PAMR1: variants seen among roughly 807,000 people sequenced by gnomAD.
The protein encoded by PAMR1 is inactive serine protease PAMR1.
Under a neutral mutation model 81.8 loss-of-function variants are expected in PAMR1, and 88 were observed. The ratio of observed to expected loss-of-function variants is 1.08; its 90% CI spans 0.91 to 1.28. The LOEUF is 1.28. Among genes scored for constraint, PAMR1 ranks in the 50% most tolerant of loss-of-function variants. The pLI is 0.00. For missense variants in PAMR1, 935 were observed against 919.7 expected (o/e 1.02, Z -0.21); for synonymous variants, 336 against 345.3 (o/e 0.97, Z 0.30).
chr11:35,471,482 G>T (rs894811268), intron 4 of PAMR1, among the ~76,000 whole-genome samples: 3 of 152,072 alleles, frequency 2.0e-5, no homozygotes, highest in African/African-American at 7.2e-5. Context: ...ATATTGTTTT[G>T]CAAGACTAAG....
At chr11:35,434,913 A>G in intron 9 of PAMR1, 109 bp from the exon 10 acceptor site, 2 of 992,620 alleles carry the variant, frequency 2.0e-6, no homozygotes, top group Non-Finnish European at 3.0e-6. Flanking sequence ...CTGTATGGGC[A>G]TGATGACCAC....
chr11:35,472,948 C>T (rs528142349), intron 4 of PAMR1, among the ~76,000 whole-genome samples: 2 of 152,182 alleles, frequency 1.3e-5, no homozygotes, highest in South Asian at 2.1e-4. Flanking sequence ...TTTAAAGGCT[C>T]CCTGCAGCCA....
intron 6 of PAMR1, 51 bp downstream of exon 6, chr11:35,467,950 C>T (rs1565339102): frequency 7.8e-6 from 9 of 1,147,642 alleles, no homozygotes; most frequent in Non-Finnish European, 1.2e-5. Flanking sequence ...TAAAATCCTT[C>T]CATACCAGCC....
At chr11:35,437,610 A>T (rs1404128047) in intron 8 of PAMR1, among the ~76,000 whole-genome samples, 2 of 152,222 alleles carry the variant, frequency 1.3e-5, no homozygotes, top group African/African-American at 4.8e-5. Flanking sequence ...GGAGATAGGG[A>T]TACCCTCCAC....
chr11:35,515,768 G>A (rs1008356100), intron 1 of PAMR1, among the ~76,000 whole-genome samples: 1 of 152,164 alleles, frequency 6.6e-6, no homozygotes, highest in African/African-American at 2.4e-5. Flanking sequence ...GCTGGAAGGT[G>A]GATGCATGTT....
chr11:35,442,437 C>G (rs1250166001), intron 6 of PAMR1, among the ~76,000 whole-genome samples: 1 of 152,150 alleles, frequency 6.6e-6, no homozygotes, highest in Non-Finnish European at 1.5e-5. Context: ...AATATTCTAT[C>G]AGATAGGTAA....
At chr11:35,509,402 C>A (rs1267849273) in intron 1 of PAMR1, among the ~76,000 whole-genome samples, 2 of 152,202 alleles carry the variant, frequency 1.3e-5, no homozygotes, top group Admixed American at 6.5e-5. Context: ...TTGGCTTCAG[C>A]TGTACAAATT....
At position 35,488,220 on chromosome 11, in the gene PAMR1, T is replaced by C. The variant is rs968645416; in HGVS notation, c.379+3825A>G. Among the ~76,000 whole-genome samples the C allele has an allele frequency of 1.5e-4, 20 of 132,432 alleles. No individual in the cohort carries two copies. In the South Asian group the frequency reaches 4.4e-3, roughly 29 times the overall value. The allele number at this position is 132,432 out of a possible 152,430, so 86.9% of individuals were successfully genotyped here. On this transcript the variant is annotated intron_variant, in intron 3 of 10. Coordinates refer to ENST00000619888, the MANE Select transcript of PAMR1 (RefSeq NM_001001991.3). Reference sequence around the variant, plus strand: ...ATCTTTTTTTTTTTTTTTTTTTTTTTTGAGAGAGAGACAGAGATGAGGTCT... The same window carrying C: ...ATCTTTTTTTTTTTTTTTTTTTTTTCTGAGAGAGAGACAGAGATGAGGTCT...
At chr11:35,507,711 T>C (rs923812116) in intron 1 of PAMR1, among the ~76,000 whole-genome samples, 3 of 152,170 alleles carry the variant, frequency 2.0e-5, no homozygotes, top group African/African-American at 7.2e-5. Context: ...TGAAGGATTA[T>C]TTATTTTAGT....
chr11:35,528,158 A>C (rs1590410817), upstream of PAMR1, among the ~76,000 whole-genome samples: 1 of 152,126 alleles, frequency 6.6e-6, no homozygotes. Context: ...TGGCATAAGG[A>C]TTATTTTGAG....
chr11:35,511,836 T>A (rs547204972), intron 1 of PAMR1, among the ~76,000 whole-genome samples: 3 of 152,222 alleles, frequency 2.0e-5, no homozygotes, highest in Non-Finnish European at 4.4e-5. Context: ...ACCGGCTCCA[T>A]GGGGCTGATG....
At chr11:35,448,839 G>A (rs1565330046) in intron 6 of PAMR1, among the ~76,000 whole-genome samples, 1 of 152,166 alleles carries the variant, frequency 6.6e-6, no homozygotes, top group Non-Finnish European at 1.5e-5. Flanking sequence ...GGTCTTTTTT[G>A]TTGATGTTGT....
intron 6 of PAMR1, 45 bp downstream of exon 6, chr11:35,467,956 C>T: frequency 1.7e-6 from 2 of 1,195,382 alleles, no homozygotes; most frequent in Non-Finnish European, 2.4e-6. Context: ...CCTTCCATAC[C>T]AGCCCCATCT....
chr11:35,466,076 T>C (rs1265628740), intron 6 of PAMR1, among the ~76,000 whole-genome samples: 3 of 152,092 alleles, frequency 2.0e-5, no homozygotes, highest in Non-Finnish European at 2.9e-5. Flanking sequence ...CAATTCTATT[T>C]TTTTTTTTTT....
intron 7 of PAMR1, among the ~76,000 whole-genome samples, chr11:35,440,809 C>A (rs1856149050): frequency 6.6e-6 from 1 of 152,214 alleles, no homozygotes; most frequent in African/African-American, 2.4e-5. Context: ...CTGCCTACAC[C>A]TCTTTTCTTT....
intron 6 of PAMR1, among the ~76,000 whole-genome samples, chr11:35,462,602 C>G (rs1856679685): frequency 1.3e-5 from 2 of 152,202 alleles, no homozygotes; most frequent in African/African-American, 4.8e-5. Context: ...GAATCCCTTA[C>G]TTTCTGCCAT....
At chr11:35,500,512 A>G (rs2024868035) in intron 1 of PAMR1, among the ~76,000 whole-genome samples, 1 of 152,208 alleles carries the variant, frequency 6.6e-6, no homozygotes, top group South Asian at 2.1e-4. Context: ...CAAATACATA[A>G]TCATAAACCA....
intron 1 of PAMR1, among the ~76,000 whole-genome samples, chr11:35,507,714 A>C (rs1190230877): frequency 6.8e-6 from 1 of 146,860 alleles, no homozygotes; most frequent in East Asian, 2.0e-4. Flanking sequence ...AGGATTATTT[A>C]TTTTAGTCGT....
At chr11:35,464,728 A>C (rs951965854) in intron 6 of PAMR1, among the ~76,000 whole-genome samples, 1 of 152,178 alleles carries the variant, frequency 6.6e-6, no homozygotes, top group Non-Finnish European at 1.5e-5. Context: ...CAATGCTTCC[A>C]CTGGGAACCA....
Sources: gnomAD v4.1 joint callset for allele counts (sites outside exome capture counted in the v4.1 genomes callset) on GRCh38, gnomAD v4.1.1 for gene constraint, MANE v1.5 for transcripts, NCBI Gene and HGNC (gene_info 2026-07-23, HGNC 2026-07-21) for gene names.